The following PPARG variants were observed in gnomAD, a reference collection of about 807,000 sequenced individuals.
The protein encoded by PPARG is peroxisome proliferator-activated receptor gamma.
Under a neutral mutation model 39.2 loss-of-function variants are expected in PPARG, and 17 were observed. The ratio of observed to expected loss-of-function variants is 0.43; its 90% confidence interval spans 0.30 to 0.65. The LOEUF (loss-of-function observed/expected upper bound fraction) is 0.65, where lower values mean the gene tolerates loss of function less well. PPARG is among the 30% of genes least tolerant of loss of function. The pLI, the probability that PPARG is intolerant of heterozygous loss-of-function variation, is 0.13. For synonymous variants in PPARG, 223 were observed against 215.7 expected, an observed-to-expected ratio of 1.03 and a Z score of -0.30; for missense variants, 406 against 585.9, an observed-to-expected ratio of 0.69 and a Z score of 3.17.
At chr3:12,358,292 A>G (rs1211925681) in intron 2 of PPARG, among the ~76,000 whole-genome samples, 1 of 152,198 alleles carries the variant, frequency 6.6e-6, no homozygotes, top group Non-Finnish European at 1.5e-5. Context: ...AGCAATGTTT[A>G]AAAAAGAGTA....
intron 2 of PPARG, among the ~76,000 whole-genome samples, chr3:12,353,058 G>A (rs1030777338): frequency 6.6e-6 from 1 of 152,152 alleles, no homozygotes; most frequent in Non-Finnish European, 1.5e-5. Flanking sequence ...TAACTGAGAG[G>A]CAAGTACTGT....
intron 2 of PPARG, among the ~76,000 whole-genome samples, chr3:12,330,382 T>C (rs2047823471): frequency 1.3e-5 from 2 of 151,744 alleles, no homozygotes; most frequent in Non-Finnish European, 2.9e-5. Flanking sequence ...ATTTTCCTAA[T>C]GGCTGCTGAT....
At chr3:12,393,718 A>G (rs183605252) in intron 5 of PPARG, among the ~76,000 whole-genome samples, 1 of 152,084 alleles carries the variant, frequency 6.6e-6, no homozygotes, top group Non-Finnish European at 1.5e-5. Flanking sequence ...CTCAAAACTG[A>G]TCTAGTAAGA....
intron 6 of PPARG, among the ~76,000 whole-genome samples, chr3:12,411,046 ATCAT>A (rs1014301870): frequency 3.2e-4 from 49 of 152,224 alleles, no homozygotes; most frequent in African/African-American, 1.1e-3. Context: ...GGCTTCTGGG[ATCAT>A]TCATCCATGT....
At chr3:12,371,709 C>T in intron 2 of PPARG, 1 of 436,400 alleles carries the variant, frequency 2.3e-6, no homozygotes, top group Non-Finnish European at 4.3e-6. Flanking sequence ...GCTGAGAATG[C>T]CAGGCTCAGA....
At chr3:12,311,435 A>G (rs2047241486) in intron 1 of PPARG, among the ~76,000 whole-genome samples, 1 of 152,256 alleles carries the variant, frequency 6.6e-6, no homozygotes, top group African/African-American at 2.4e-5. Context: ...ATAAACAGGC[A>G]AAATACGTTG....
intron 6 of PPARG, among the ~76,000 whole-genome samples, chr3:12,407,901 C>T (rs962080768): frequency 6.6e-6 from 1 of 152,032 alleles, no homozygotes; most frequent in Admixed American, 6.6e-5. Flanking sequence ...TAAAAAAAAC[C>T]TTGCACATTT....
At chr3:12,293,492 G>A (rs2960422) in intron 1 of PPARG, among the ~76,000 whole-genome samples, 88,673 of 151,924 alleles carry the variant, frequency 0.58, 26,020 homozygotes, top group South Asian at 0.64. Context: ...TTTGCCACAG[G>A]TAAGGAGAAG....
chr3:12,288,516 G>A (rs1046594932), upstream of PPARG, among the ~76,000 whole-genome samples: 7 of 152,156 alleles, frequency 4.6e-5, no homozygotes, highest in African/African-American at 1.7e-4. Context: ...CCGCTCCGGG[G>A]GAACTTTGGA....
chr3:12,304,054 A>G (rs2046995846), intron 1 of PPARG, among the ~76,000 whole-genome samples: 1 of 152,262 alleles, frequency 6.6e-6, no homozygotes, highest in Non-Finnish European at 1.5e-5. Context: ...AGCAAGTACT[A>G]TTCTCTAATG....
rs930428197 is a variant in PPARG at position 12,424,167 on chromosome 3, A to C, written c.1180+7013A>C. ...GGTGAGGTTTATTTATGAGTTCTCA[A>C]CTGGCACCCAATTTTTAAAAACCAC... On this transcript the variant is annotated intron_variant, in intron 7 of 7. Coordinates refer to ENST00000651735, the MANE Select transcript of PPARG (RefSeq NM_138711.6). Among the ~76,000 whole-genome samples, 39 of 152,210 alleles carry C rather than the reference A, an allele frequency of 2.6e-4. 1 individual carries two copies. Among genetic ancestry groups the C allele is most frequent in the Non-Finnish European group, 7.3e-5 (5 of 68,028 alleles).
chr3:12,416,755 A>C lies in PPARG; in HGVS notation c.781A>C (p.Lys261Gln). 1 of 1,614,120 alleles carries C rather than the reference A, an allele frequency of 6.2e-7. No individual in the cohort carries two copies. Among genetic ancestry groups the C allele is most frequent in the Non-Finnish European group, 8.5e-7 (1 of 1,179,990 alleles). The change falls in exon 7 of 8, where the codon AAG becomes CAG. Residue 261 changes from lysine to glutamine, a missense_variant. Around this residue, in one of 2 missense-constraint regions of PPARG, gnomAD observed 275 missense variants for 458.0 expected, o/e 0.60. Coordinates refer to ENST00000651735, the MANE Select transcript of PPARG (RefSeq NM_138711.6). ...NSLMMGEDKI[K>Q]FKHITPLQEQ... ...CTTAATGATGGGAGAAGATAAAATC[A>C]AGTTCAAACACATCACCCCCCTGCA...
chr3:12,375,874 A>T (rs1224576797), intron 2 of PPARG, among the ~76,000 whole-genome samples: 1 of 152,092 alleles, frequency 6.6e-6, no homozygotes, highest in Non-Finnish European at 1.5e-5. Context: ...ATGTGAACCC[A>T]TACGGTACCT....
chr3:12,398,063 A>G (rs1313990826), intron 5 of PPARG, among the ~76,000 whole-genome samples: 1 of 151,994 alleles, frequency 6.6e-6, no homozygotes, highest in Non-Finnish European at 1.5e-5. Context: ...TTCCCATGAG[A>G]CTTTTCTGAT....
At chr3:12,420,733 C>A (rs747753133) in intron 7 of PPARG, among the ~76,000 whole-genome samples, 2 of 152,200 alleles carry the variant, frequency 1.3e-5, no homozygotes, top group African/African-American at 4.8e-5. Flanking sequence ...GCTGGGGAAA[C>A]TGGAGTTGCT....
intron 2 of PPARG, among the ~76,000 whole-genome samples, chr3:12,333,061 A>G (rs2125051531): frequency 6.6e-6 from 1 of 152,250 alleles, no homozygotes; most frequent in East Asian, 1.9e-4. Context: ...AGTTACATCT[A>G]AATTAGGTTT....
intron 7 of PPARG, among the ~76,000 whole-genome samples, chr3:12,423,975 T>TA (rs1304415158): frequency 6.6e-6 from 1 of 152,242 alleles, no homozygotes; most frequent in Non-Finnish European, 1.5e-5. Context: ...TACAGGCACC[T>TA]ATGTTGTTTC....
At chr3:12,327,467 A>C (rs1416103973) in intron 2 of PPARG, among the ~76,000 whole-genome samples, 2 of 152,202 alleles carry the variant, frequency 1.3e-5, no homozygotes, top group Non-Finnish European at 2.9e-5. Flanking sequence ...TTTTCCACTC[A>C]GCAGTTTGAT....
chr3:12,293,643 T>A (rs1415501836), intron 1 of PPARG, among the ~76,000 whole-genome samples: 1 of 152,228 alleles, frequency 6.6e-6, no homozygotes, highest in Non-Finnish European at 1.5e-5. Context: ...TCTAAGAATT[T>A]ACCCTGCTTC....
Sources: gnomAD v4.1 joint callset for allele counts (sites outside exome capture counted in the v4.1 genomes callset) on GRCh38, gnomAD v4.1.1 for gene constraint, gnomAD v4.1.1 regional missense constraint, MANE v1.5 for transcripts, NCBI Gene and HGNC (gene_info 2026-07-23, HGNC 2026-07-21) for gene names.